The following REV1 variants were observed in gnomAD, a reference collection of about 807,000 sequenced individuals.
REV1 encodes the protein translesion synthesis protein REV1.
In REV1, 42 loss-of-function variants were observed where a neutral mutation model predicts 137.4. The ratio of observed to expected loss-of-function variants is 0.31; its 90% CI spans 0.24 to 0.40. The LOEUF is 0.40. Among genes scored for constraint, REV1 ranks in the 10% least tolerant of loss-of-function variants. The pLI, the probability that REV1 is intolerant of heterozygous loss-of-function variation, is 1.00. For missense variants in REV1, 1,282 were observed against 1,490.1 expected (o/e 0.86, Z 2.30); for synonymous variants, 524 against 519.2 (o/e 1.01, Z -0.12).
intron 1 of REV1, among the ~76,000 whole-genome samples, chr2:99,478,443 G>C (rs1484327838): frequency 1.3e-5 from 2 of 152,124 alleles, no homozygotes; most frequent in Non-Finnish European, 2.9e-5. Flanking sequence ...AGCTACGAAG[G>C]AACACAAAAG....
chr2:99,440,553 C>T (rs923108703), intron 5 of REV1, among the ~76,000 whole-genome samples: 2 of 152,084 alleles, frequency 1.3e-5, no homozygotes, highest in Non-Finnish European at 2.9e-5. Context: ...TGAGTAGATG[C>T]CATGCTCACA....
At chr2:99,482,808 G>A (rs1044739997) in intron 1 of REV1, among the ~76,000 whole-genome samples, 1 of 152,014 alleles carries the variant, frequency 6.6e-6, no homozygotes, top group Non-Finnish European at 1.5e-5. Context: ...CCTGAGGTCA[G>A]GAGTTCGAGA....
rs1682656033 is a variant in REV1 at position 99,449,373 on chromosome 2, C to T, written c.313G>A (p.Gly105Arg). 1 of 1,559,352 alleles carries T rather than the reference C, an allele frequency of 6.4e-7. No individual in the cohort carries two copies. Among genetic ancestry groups the T allele is most frequent in the East Asian group, 2.4e-5 (1 of 41,844 alleles). ...LPNAKIKELK[G>R]EKVIRPEWIV... ...CATTCTGGTCGAATTACTTTTTCCC[C>T]CTTTAATTCTTTAATTTTGGCATTG... is the stretch of plus-strand genomic sequence containing the variant. The change falls in exon 4 of 23, where the codon GGG becomes AGG. Residue 105 changes from glycine (G) to arginine (R), a missense_variant. Transcript: ENST00000258428.
In REV1 at chr2:99,434,379, T is replaced by C; in HGVS notation, c.1391A>G (p.Gln464Arg). ...RAPLRPGANP[Q>R]LEWQYYQNKI... The stretch of plus-strand genomic sequence containing the variant: ...ATTCTGGTAATACTGCCACTCCAGC[T>C]GGGGGTTAGCGCCAGGACGTAAAGG... The change falls in exon 8 of 23, where the codon CAG becomes CGG. Residue 464 changes from glutamine (Q) to arginine (R), a missense_variant. Around this residue, in one of 7 missense-constraint regions of REV1, gnomAD observed 432 missense variants for 438.0 expected, o/e 0.99. Coordinates refer to ENST00000258428, the MANE Select transcript of REV1 (RefSeq NM_016316.4). 1 of 1,608,046 alleles carries C rather than the reference T, an allele frequency of 6.2e-7. No homozygotes were observed. Among genetic ancestry groups the C allele is most frequent in the African/African-American group, 1.3e-5 (1 of 74,766 alleles).
chr2:99,458,918 T>C (rs1011196049), intron 3 of REV1, among the ~76,000 whole-genome samples: 61 of 152,050 alleles, frequency 4.0e-4, no homozygotes, highest in African/African-American at 1.3e-3. Flanking sequence ...AAGATCTTTG[T>C]AGTGTGGAGG....
Position 99,406,027 on chromosome 2 carries a change from C to T in REV1, c.2694G>A (p.Leu898=). ...CTFLPPFPAH[L]PTSPDTNKAE... Reference sequence around the variant, plus strand: ...CCTTGTTAGTATCAGGACTGGTCGGCAGATGTGCAGGAAAAGGTGGCAAGA... The same window carrying T: ...CCTTGTTAGTATCAGGACTGGTCGGTAGATGTGCAGGAAAAGGTGGCAAGA... The change falls in exon 17 of 23, where the codon CTG becomes CTA. Residue 898 remains leucine (L), a synonymous_variant. Transcript: ENST00000258428. 2 of 1,613,908 alleles carry T rather than the reference C, an allele frequency of 1.2e-6. No homozygotes were observed. Among genetic ancestry groups the T allele is most frequent in the Non-Finnish European group, 1.7e-6 (2 of 1,179,952 alleles).
At chr2:99,404,770 A>G in intron 17 of REV1, 93 bp from the exon 18 acceptor site, 2 of 833,992 alleles carry the variant, frequency 2.4e-6, no homozygotes, top group Non-Finnish European at 3.9e-6. Context: ...TTCAATTTGA[A>G]TACTGTGGAT....
chr2:99,443,848 C>CTTTT (rs368655067), intron 4 of REV1, among the ~76,000 whole-genome samples: 2 of 147,596 alleles, frequency 1.4e-5, no homozygotes, highest in Non-Finnish European at 1.5e-5. Flanking sequence ...ACTTTTCTTC[C>CTTTT]TTTTTTTTTT....
intron 8 of REV1, among the ~76,000 whole-genome samples, chr2:99,430,341 C>T (rs1234939707): frequency 6.6e-6 from 1 of 151,900 alleles, no homozygotes; most frequent in Non-Finnish European, 1.5e-5. Context: ...GAAAAGTTAA[C>T]GAAAAATATA....
intron 19 of REV1, 23 bp downstream of exon 19, chr2:99,403,672 T>A (rs1675841657): frequency 1.2e-6 from 2 of 1,614,018 alleles, no homozygotes; most frequent in Non-Finnish European, 1.7e-6. Flanking sequence ...TCATTTTTGT[T>A]ACATGCCACT....
intron 1 of REV1, among the ~76,000 whole-genome samples, chr2:99,468,020 A>T (rs1427021543): frequency 6.6e-6 from 1 of 152,192 alleles, no homozygotes; most frequent in East Asian, 1.9e-4. Context: ...GTCTCTACTA[A>T]AAATAAAAAA....
At position 99,424,210 on chromosome 2, in the gene REV1, G is replaced by A; in HGVS notation, c.1618C>T (p.Pro540Ser). Residue 540 changes from proline (P) to serine (S), a missense_variant, in exon 10 of 23, where the codon CCA becomes TCA. Around this residue, in one of 7 missense-constraint regions of REV1, gnomAD observed 372 missense variants for 482.3 expected, o/e 0.77. Coordinates refer to ENST00000258428, the MANE Select transcript of REV1 (RefSeq NM_016316.4). ...KQLCPNLQAV[P>S]YDFHAYKEVA... is the part of the protein sequence containing the mutation. ...TCCTTATATGCATGAAAATCGTATG[G>A]AACAGCTTGAAGATTAGGACATAGT... 1 of 1,613,774 alleles carries A rather than the reference G, an allele frequency of 6.2e-7. No homozygotes were observed.
chr2:99,442,912 T>A lies in REV1; in HGVS notation c.351-443A>T, dbSNP rs148421640. Among the ~76,000 whole-genome samples, 7 of 152,298 alleles carry A rather than the reference T, an allele frequency of 4.6e-5. No individual in the cohort carries two copies. The South Asian group carries it at 1.2e-3, about 27-fold the overall frequency. Reference sequence around the variant, plus strand: ...CTATTTTTATGTATACAAGAATGGTTAAGAGCCAAGGCCATTTGAAGATAT... The same window carrying A: ...CTATTTTTATGTATACAAGAATGGTAAAGAGCCAAGGCCATTTGAAGATAT... On this transcript the variant is annotated intron_variant, in intron 4 of 22. Transcript: ENST00000258428.
intron 9 of REV1, among the ~76,000 whole-genome samples, chr2:99,428,714 G>C (rs1178383097): frequency 6.6e-6 from 1 of 152,176 alleles, no homozygotes; most frequent in Non-Finnish European, 1.5e-5. Context: ...GATGTAACTA[G>C]GCCAGGCACA....
At chr2:99,442,606 T>C in intron 4 of REV1, 137 bp from the exon 5 acceptor site, 1 of 777,596 alleles carries the variant, frequency 1.3e-6, no homozygotes, top group Non-Finnish European at 2.1e-6. Flanking sequence ...TCCTTCTTGC[T>C]CGGTTTTAGT....
In REV1 at chr2:99,402,227, A is replaced by G; in HGVS notation, c.3644+17T>C. The G allele has an allele frequency of 9.4e-7, 1 of 1,066,976 alleles. No homozygotes were observed. Among genetic ancestry groups the G allele is most frequent in the Non-Finnish European group, 1.4e-6 (1 of 719,886 alleles). 66.1% of individuals were successfully genotyped at this position (1,066,976 alleles called of 1,614,324 possible). On this transcript the variant is annotated intron_variant, in intron 22 of 22. Coordinates refer to ENST00000258428, the MANE Select transcript of REV1 (RefSeq NM_016316.4). The stretch of plus-strand genomic sequence containing the variant: ...CATGCCATTTTTTCCCATTTGATAA[A>G]AGTGATGAATTACTACCTTTTCATG...
At chr2:99,437,035 C>G (rs1032741075) in intron 6 of REV1, among the ~76,000 whole-genome samples, 3 of 145,360 alleles carry the variant, frequency 2.1e-5, no homozygotes, top group Admixed American at 7.1e-5. Context: ...GCTGCCCAGT[C>G]TGGAGTGCAG....
At chr2:99,455,853 C>G (rs1342748649) in intron 3 of REV1, among the ~76,000 whole-genome samples, 2 of 152,128 alleles carry the variant, frequency 1.3e-5, no homozygotes, top group Non-Finnish European at 2.9e-5. Context: ...CCCCTTGTTT[C>G]ATTTTGTGAA....
In REV1 at chr2:99,401,064, T is replaced by A; in HGVS notation, c.*177A>T. 1 of 449,442 alleles carries A rather than the reference T, an allele frequency of 2.2e-6. No individual in the cohort carries two copies. The allele number at this position is 449,442 out of a possible 1,614,324, so 27.8% of individuals were successfully genotyped here. On this transcript the variant is annotated 3_prime_UTR_variant, in exon 23 of 23. Transcript: ENST00000258428. ...TGCTACAGTAAAATAATTAACACAATTATTTACATGCAATACTGACAAATT... is the reference window on the plus strand; with the variant it reads ...TGCTACAGTAAAATAATTAACACAAATATTTACATGCAATACTGACAAATT...
Sources: gnomAD v4.1 joint callset for allele counts (sites outside exome capture counted in the v4.1 genomes callset) on GRCh38, gnomAD v4.1.1 for gene constraint, gnomAD v4.1.1 regional missense constraint, MANE v1.5 for transcripts, NCBI Gene and HGNC (gene_info 2026-07-23, HGNC 2026-07-21) for gene names.